The following ANK3 variants were observed in gnomAD, a reference collection of about 807,000 sequenced individuals.
ANK3 encodes the protein ankyrin-3.
A neutral mutation model predicts 370.9 loss-of-function variants in ANK3; 57 were observed. That is an observed-to-expected ratio of 0.15 (90% CI 0.12 to 0.19). The LOEUF (loss-of-function observed/expected upper bound fraction) is 0.19. ANK3 is among the 10% of genes least tolerant of loss of function. The pLI is 1.00. For missense variants in ANK3, 4,439 were observed against 5,302.1 expected (o/e 0.84, Z 5.06); for synonymous variants, 1,929 against 1,946.3 (o/e 0.99, Z 0.23).
Position 60,071,845 on chromosome 10 carries a change from T to C in ANK3, c.9036A>G (p.Ile3012Met). The C allele has an allele frequency of 6.2e-7, 1 of 1,613,698 alleles. No homozygotes were observed. The highest frequency in any genetic ancestry group is 8.5e-7 in the Non-Finnish European group (1 of 1,179,856). The change falls in exon 37 of 44, where the codon ATA becomes ATG. Residue 3012 changes from isoleucine (I) to methionine (M), a missense_variant. Physicochemically the swap from Ile to Met is conservative, Grantham distance 10. This residue lies in a region of ANK3 where 1,601 missense variants were observed against 1,731.7 expected (regional missense o/e 0.92). Coordinates refer to ENST00000280772, the MANE Select transcript of ANK3 (RefSeq NM_020987.5). ...ETVETQHFNS[I>M]EDEKVTYSEI... ...CTGAATAGGTAACTTTTTCATCTTCTATAGAATTAAAGTGCTGTGTCTCAA... is the reference window on the plus strand; with the variant it reads ...CTGAATAGGTAACTTTTTCATCTTCCATAGAATTAAAGTGCTGTGTCTCAA...
chr10:60,579,584 A>C (rs938296970), intron 2 of ANK3, among the ~76,000 whole-genome samples: 1 of 152,088 alleles, frequency 6.6e-6, no homozygotes, highest in Non-Finnish European at 1.5e-5. Context: ...GGTTCTAGCC[A>C]ATGATATTTT....
At chr10:60,635,956 T>C (rs1323424897) in intron 1 of ANK3, among the ~76,000 whole-genome samples, 1 of 152,342 alleles carries the variant, frequency 6.6e-6, no homozygotes, top group African/African-American at 2.4e-5. Context: ...CACAGCCATA[T>C]AAGCATCTTA....
At chr10:60,647,462 G>T (rs1354873325) in intron 1 of ANK3, among the ~76,000 whole-genome samples, 1 of 151,936 alleles carries the variant, frequency 6.6e-6, no homozygotes, top group African/African-American at 2.4e-5. Context: ...CATATCACTG[G>T]ACAACTTAAT....
upstream of ANK3, among the ~76,000 whole-genome samples, chr10:60,394,651 C>G (rs2063179369): frequency 6.6e-6 from 1 of 152,192 alleles, no homozygotes; most frequent in Non-Finnish European, 1.5e-5. Context: ...CTCCGTTGCA[C>G]ACAGAAGGCC....
intron 1 of ANK3, among the ~76,000 whole-genome samples, chr10:60,292,850 G>A (rs763852524): frequency 4.2e-4 from 64 of 151,998 alleles, no homozygotes; most frequent in Non-Finnish European, 7.9e-4. Context: ...TGGAATTACA[G>A]GCACCCACAA....
At chr10:60,196,457 T>C (rs1411856005) in intron 15 of ANK3, 70 bp downstream of exon 15, 86 of 1,111,616 alleles carry the variant, frequency 7.7e-5, no homozygotes, top group Non-Finnish European at 1.1e-4. Context: ...TGGCTATTAG[T>C]GAATATTAGC....
chr10:60,139,126 CT>C (rs753288713), intron 23 of ANK3, 39 bp from the exon 24 acceptor site: 2 of 1,599,882 alleles, frequency 1.3e-6, no homozygotes, highest in African/African-American at 2.7e-5. Context: ...AAAAGCTTCC[CT>C]TTTGAAAGTG....
At chr10:60,088,604 C>T (rs1250649925) in intron 28 of ANK3, among the ~76,000 whole-genome samples, 1 of 152,014 alleles carries the variant, frequency 6.6e-6, no homozygotes, top group Non-Finnish European at 1.5e-5. Context: ...TTTGTATTCT[C>T]AGTAGAGACA....
intron 43 of ANK3, among the ~76,000 whole-genome samples, chr10:60,032,024 C>T (rs1218234051): frequency 1.3e-5 from 2 of 151,940 alleles, no homozygotes; most frequent in Non-Finnish European, 2.9e-5. Flanking sequence ...ATTTTCTCAC[C>T]TGTTTTTATC....
In ANK3 at chr10:60,581,455, C is replaced by T. The variant is rs1331121887; in HGVS notation, c.96+33731G>A. On this transcript the variant is annotated intron_variant, in intron 2 of 43. Coordinates refer to the ANK3 transcript ENST00000373827. ...TTTTTTTTTTTTTAAGACAGAGTCT[C>T]GCTTTGTCGCCCAGGCTGGAGTGCA... 8.4e-5 allele frequency among the ~76,000 whole-genome samples: 11 copies of T among 130,762 alleles called. No individual in the cohort carries two copies. The East Asian group carries it at 1.8e-3, about 22-fold the overall frequency. The allele number at this position is 130,762 out of a possible 152,430, so 85.8% of individuals were successfully genotyped here. A position where few individuals can be genotyped will look rare whatever the true frequency, so the allele number is the denominator to read the frequency against.
chr10:60,573,874 G>T lies in ANK3; in HGVS notation c.96+41312C>A, dbSNP rs539343427. ...GAGAGAGGGTTCAGGTCCATTCCTA[G>T]GGGCTGGGAGCCAGGAATAAATCAT... On this transcript the variant is annotated intron_variant, in intron 2 of 43. Transcript: ENST00000373827. 5.3e-5 allele frequency among the ~76,000 whole-genome samples: 8 copies of T among 152,236 alleles called. No individual in the cohort carries two copies. The South Asian group carries it at 1.7e-3, about 32-fold the overall frequency.
chr10:60,313,933 T>TG (rs957129474), intron 1 of ANK3, among the ~76,000 whole-genome samples: 7 of 151,612 alleles, frequency 4.6e-5, no homozygotes, highest in Admixed American at 3.9e-4. Context: ...TTTTTGTTTT[T>TG]TTTTTTTTTG....
At chr10:60,729,961 T>A (rs533164220) in intron 1 of ANK3, among the ~76,000 whole-genome samples, 4 of 152,312 alleles carry the variant, frequency 2.6e-5, no homozygotes, top group African/African-American at 9.6e-5. Context: ...TGGAAAAATC[T>A]ATGTCCTTTT....
At chr10:60,386,976 A>G (rs1424353073) in intron 1 of ANK3, among the ~76,000 whole-genome samples, 1 of 152,128 alleles carries the variant, frequency 6.6e-6, no homozygotes, top group African/African-American at 2.4e-5. Flanking sequence ...CCTGGCCAAC[A>G]CGGCGAAACC....
intron 1 of ANK3, among the ~76,000 whole-genome samples, chr10:60,317,804 C>T (rs2047773369): frequency 6.6e-6 from 1 of 150,682 alleles, no homozygotes; most frequent in South Asian, 2.1e-4. Flanking sequence ...AGCTCCACCT[C>T]GCGGGTTCAT....
At chr10:60,049,738 C>T (rs2077578743) in intron 42 of ANK3, among the ~76,000 whole-genome samples, 1 of 152,130 alleles carries the variant, frequency 6.6e-6, no homozygotes, top group African/African-American at 2.4e-5. Context: ...ATAACTTACT[C>T]TAAGAAAATT....
intron 2 of ANK3, among the ~76,000 whole-genome samples, chr10:60,427,243 T>C (rs2063908333): frequency 6.6e-6 from 1 of 152,132 alleles, no homozygotes; most frequent in South Asian, 2.1e-4. Flanking sequence ...AGTAAACATT[T>C]CTTTCTGGTT....
intron 1 of ANK3, among the ~76,000 whole-genome samples, chr10:60,375,231 C>CA (rs2132805476): frequency 6.6e-6 from 1 of 152,270 alleles, no homozygotes; most frequent in Non-Finnish European, 1.5e-5. Flanking sequence ...ACTAGGGGCA[C>CA]AACAGGTATT....
At chr10:60,213,913 T>C (rs2096894688) in intron 8 of ANK3, among the ~76,000 whole-genome samples, 1 of 152,200 alleles carries the variant, frequency 6.6e-6, no homozygotes. Flanking sequence ...CATAATTTTA[T>C]CTTAATGTAA....
Sources: gnomAD v4.1 joint callset for allele counts (sites outside exome capture counted in the v4.1 genomes callset) on GRCh38, gnomAD v4.1.1 for gene constraint, gnomAD v4.1.1 regional missense constraint, MANE v1.5 for transcripts, NCBI Gene and HGNC (gene_info 2026-07-23, HGNC 2026-07-21) for gene names.